The following LINGO2 variants were observed in gnomAD, a reference collection of about 807,000 sequenced individuals.
LINGO2 encodes leucine-rich repeat and immunoglobulin-like domain-containing nogo receptor-interacting protein 2.
A neutral mutation model predicts 30.6 loss-of-function variants in LINGO2; 14 were observed. The observed-to-expected ratio is 0.46, with a 90% CI of 0.30 to 0.72. The LOEUF (loss-of-function observed/expected upper bound fraction) is 0.72, where lower values mean the gene tolerates loss of function less well. Ranked by LOEUF, LINGO2 falls within the 30% of genes least tolerant of loss-of-function variation. LINGO2 has a pLI of 0.07. For synonymous variants in LINGO2, 317 were observed against 288.5 expected (o/e 1.10, Z -1.00); for missense variants, 729 against 751.7 (o/e 0.97, Z 0.35).
At chr9:27,945,390 T>C (rs1331138949), downstream of LINGO2, among the ~76,000 whole-genome samples, 2 of 152,088 alleles carry the variant, frequency 1.3e-5, no homozygotes, top group African/African-American at 4.8e-5. Context: ...CACAGAATAT[T>C]TGACAGAATA....
exon 6 of LINGO2, chr9:27,950,683 TTAGTC>T: frequency 2.0e-6 from 3 of 1,498,370 alleles, no homozygotes; most frequent in Non-Finnish European, 2.7e-6. Context: ...ACTCCACTTC[TTAGTC>T]TACACCTTGG....
the LINGO2 span, among the ~76,000 whole-genome samples, chr9:28,769,764 T>C: frequency 7.9e-5 from 12 of 151,376 alleles, no homozygotes; most frequent in Non-Finnish European, 1.6e-4. Flanking sequence ...ATGCATAGAA[T>C]AGATCATCTT....
At chr9:28,033,103 TTGC>T (rs1200720226) in intron 4 of LINGO2, among the ~76,000 whole-genome samples, 1 of 152,212 alleles carries the variant, frequency 6.6e-6, no homozygotes, top group Admixed American at 6.5e-5. Flanking sequence ...CCCTCTGCAT[TTGC>T]TGCTATGATC....
At chr9:28,998,572 A>G in the LINGO2 span, among the ~76,000 whole-genome samples, 7 of 152,150 alleles carry the variant, frequency 4.6e-5, no homozygotes, top group Non-Finnish European at 1.0e-4. Flanking sequence ...TTTTAAAGGT[A>G]CAATTTAATT....
chr9:28,454,586 A>T (rs1036781664), intron 2 of LINGO2, among the ~76,000 whole-genome samples: 1 of 151,754 alleles, frequency 6.6e-6, no homozygotes, highest in African/African-American at 2.4e-5. Context: ...TATACATATT[A>T]TATATATATA....
At chr9:28,658,467 C>A (rs1296729026) in intron 1 of LINGO2, among the ~76,000 whole-genome samples, 4 of 151,952 alleles carry the variant, frequency 2.6e-5, no homozygotes, top group African/African-American at 9.7e-5. Flanking sequence ...TCTTGGTGAT[C>A]TGACTCTTTT....
intron 4 of LINGO2, among the ~76,000 whole-genome samples, chr9:28,103,992 G>T (rs916560932): frequency 6.6e-6 from 1 of 151,990 alleles, no homozygotes; most frequent in Non-Finnish European, 1.5e-5. Context: ...ATTAAAGGGT[G>T]CTTTTAATAG....
At chr9:28,031,600 T>C (rs1006712960) in intron 4 of LINGO2, among the ~76,000 whole-genome samples, 2 of 152,174 alleles carry the variant, frequency 1.3e-5, no homozygotes, top group African/African-American at 4.8e-5. Context: ...TCCTCATCTT[T>C]AAAGTGGGGA....
chr9:27,983,783 G>A (rs964911780), intron 5 of LINGO2, among the ~76,000 whole-genome samples: 3 of 151,774 alleles, frequency 2.0e-5, no homozygotes, highest in South Asian at 2.1e-4. Flanking sequence ...AATTCCCACC[G>A]TGGTTTGTTT....
chr9:28,513,255 A>G (rs60424209), intron 1 of LINGO2, among the ~76,000 whole-genome samples: 2,941 of 152,342 alleles, frequency 0.019, 61 homozygotes, highest in East Asian at 0.11. Flanking sequence ...CCAATCTGCA[A>G]TCAATGCAAT....
intron 4 of LINGO2, among the ~76,000 whole-genome samples, chr9:28,058,238 C>T (rs562207955): frequency 2.6e-5 from 4 of 152,174 alleles, no homozygotes; most frequent in Non-Finnish European, 4.4e-5. Flanking sequence ...TGGGGTGCTG[C>T]CACCAGTGGT....
At chr9:28,906,066 T>C in the LINGO2 span, among the ~76,000 whole-genome samples, 32 of 151,858 alleles carry the variant, frequency 2.1e-4, no homozygotes, top group African/African-American at 7.5e-4. Context: ...GAAAAAGAAA[T>C]AGCACATGAT....
chr9:28,914,113 G>C, the LINGO2 span, among the ~76,000 whole-genome samples: 1 of 152,086 alleles, frequency 6.6e-6, no homozygotes, highest in East Asian at 1.9e-4. Flanking sequence ...ATTAAAACAT[G>C]AATGCATAAA....
chr9:28,235,870 C>T (rs56942755), intron 4 of LINGO2, among the ~76,000 whole-genome samples: 3 of 151,784 alleles, frequency 2.0e-5, no homozygotes, highest in South Asian at 2.1e-4. Flanking sequence ...AGTTATTGAC[C>T]GTAAGGAGGA....
the LINGO2 span, among the ~76,000 whole-genome samples, chr9:28,947,824 A>G: frequency 1.3e-5 from 2 of 151,940 alleles, no homozygotes; most frequent in African/African-American, 4.8e-5. Flanking sequence ...TTACCACAAC[A>G]TGAAGCAATT....
At chr9:28,497,063 C>T (rs1023311840) in intron 1 of LINGO2, among the ~76,000 whole-genome samples, 5 of 152,200 alleles carry the variant, frequency 3.3e-5, no homozygotes, top group African/African-American at 4.8e-5. Flanking sequence ...TGTGGGTAAC[C>T]CGACCTTTCT....
chr9:29,089,195 T>C, the LINGO2 span, among the ~76,000 whole-genome samples: 3 of 151,668 alleles, frequency 2.0e-5, no homozygotes, highest in Non-Finnish European at 4.4e-5. Flanking sequence ...GTGCTTTATT[T>C]ATATTTTTAA....
intron 3 of LINGO2, among the ~76,000 whole-genome samples, chr9:28,354,696 A>T (rs1052650474): frequency 6.6e-6 from 1 of 152,210 alleles, no homozygotes; most frequent in Non-Finnish European, 1.5e-5. Context: ...TGACCAATAG[A>T]AAACAAGTTA....
At chr9:28,111,895 G>GTTTA (rs541664007) in intron 4 of LINGO2, among the ~76,000 whole-genome samples, 121 of 151,928 alleles carry the variant, frequency 8.0e-4, no homozygotes, top group African/African-American at 2.6e-3. Flanking sequence ...TAGAATAAAT[G>GTTTA]TTTATTTATT....
Sources: allele counts gnomAD v4.1 joint callset (sites outside exome capture counted in the v4.1 genomes callset), GRCh38; gene constraint gnomAD v4.1.1; transcripts MANE v1.5; gene names NCBI Gene and HGNC (gene_info 2026-07-23, HGNC 2026-07-21).